DNAAF9: variants seen among roughly 807,000 people sequenced by gnomAD.
DNAAF9 encodes the protein dynein axonemal assembly factor 9.
A neutral mutation model predicts 167.0 loss-of-function variants in DNAAF9; 90 were observed. The observed-to-expected ratio is 0.54, with a 90% confidence interval of 0.45 to 0.64. The LOEUF (loss-of-function observed/expected upper bound fraction) is 0.64, where lower values mean the gene tolerates loss of function less well. DNAAF9 is among the 30% of genes least tolerant of loss of function. DNAAF9 has a pLI of 0.00. For synonymous variants in DNAAF9, 491 were observed against 508.8 expected, an observed-to-expected ratio of 0.96 and a Z score of 0.47; for missense variants, 1,315 against 1,442.2, an observed-to-expected ratio of 0.91 and a Z score of 1.43.
intron 27 of DNAAF9, among the ~76,000 whole-genome samples, chr20:3,283,383 C>A (rs2068794528): frequency 6.6e-6 from 1 of 152,238 alleles, no homozygotes; most frequent in African/African-American, 2.4e-5. Context: ...CCCAGGTTCT[C>A]CTGAGTCCTG....
At chr20:3,349,267 A>G (rs2070266186) in intron 7 of DNAAF9, among the ~76,000 whole-genome samples, 1 of 149,850 alleles carries the variant, frequency 6.7e-6, no homozygotes, top group African/African-American at 2.5e-5. Context: ...CTGTTGTCCC[A>G]GCTACTCAGG....
intron 10 of DNAAF9, among the ~76,000 whole-genome samples, 169 bp downstream of exon 10, chr20:3,340,335 A>G (rs1420156630): frequency 6.6e-6 from 1 of 151,154 alleles, no homozygotes; most frequent in African/African-American, 2.5e-5. Flanking sequence ...CTATAAAAAA[A>G]GTACAAACAG....
intron 33 of DNAAF9, among the ~76,000 whole-genome samples, 199 bp downstream of exon 33, chr20:3,259,281 G>A (rs1281301023): frequency 6.6e-6 from 1 of 152,244 alleles, no homozygotes; most frequent in African/African-American, 2.4e-5. Flanking sequence ...CCATGGAACA[G>A]GAGGACCCAG....
At chr20:3,304,395 A>G (rs1346933193) in intron 21 of DNAAF9, 45 bp downstream of exon 21, 1 of 859,978 alleles carries the variant, frequency 1.2e-6, no homozygotes. Flanking sequence ...CAAAAGTGTG[A>G]GCAACTTTCC....
At chr20:3,397,371 T>G (rs1295995799) in intron 1 of DNAAF9, among the ~76,000 whole-genome samples, 1 of 152,042 alleles carries the variant, frequency 6.6e-6, no homozygotes, top group Non-Finnish European at 1.5e-5. Flanking sequence ...CAGGCTGGAG[T>G]GCAGTGGCAT....
At chr20:3,333,515 G>A (rs1354040644) in intron 10 of DNAAF9, among the ~76,000 whole-genome samples, 1 of 152,076 alleles carries the variant, frequency 6.6e-6, no homozygotes, top group African/African-American at 2.4e-5. Flanking sequence ...GTTACAGATT[G>A]GAAATGAGAA....
intron 31 of DNAAF9, among the ~76,000 whole-genome samples, chr20:3,263,894 TAG>T: frequency 6.6e-6 from 1 of 152,226 alleles, no homozygotes; most frequent in East Asian, 1.9e-4. Context: ...GAACAATAGC[TAG>T]CACACACAGT....
chr20:3,282,988 C>T (rs1473094772), intron 27 of DNAAF9, among the ~76,000 whole-genome samples: 1 of 152,182 alleles, frequency 6.6e-6, no homozygotes, highest in Non-Finnish European at 1.5e-5. Context: ...TATTTGTTTA[C>T]TGTCTCCATA....
At chr20:3,267,678 T>C (rs975824677) in intron 30 of DNAAF9, among the ~76,000 whole-genome samples, 5 of 151,946 alleles carry the variant, frequency 3.3e-5, no homozygotes, top group Non-Finnish European at 7.4e-5. Flanking sequence ...CTACTAAAAA[T>C]AGAAAAATTA....
At chr20:3,358,181 T>C (rs1284463324) in intron 7 of DNAAF9, among the ~76,000 whole-genome samples, 4 of 152,122 alleles carry the variant, frequency 2.6e-5, no homozygotes, top group African/African-American at 9.7e-5. Flanking sequence ...ACGCATTTTA[T>C]TGTTTTCTGG....
chr20:3,362,795 C>A (rs1332623189), intron 6 of DNAAF9, among the ~76,000 whole-genome samples: 2 of 152,202 alleles, frequency 1.3e-5, no homozygotes, highest in Non-Finnish European at 2.9e-5. Context: ...CTTCTTCTAC[C>A]TCATTCTGGC....
rs571225269 is a variant in DNAAF9 at position 3,322,226 on chromosome 20, A to G, written c.1347T>C (p.Phe449=). ...TGATAGCTCTGCTTACCGTCTTCAC[A>G]AAGGATAAGCTATCTTCACTGTCCA... The part of the protein sequence containing the change: ...VPLDSEDSLS[F]VKTACMAVYD... The change falls in exon 16 of 37, where the codon TTT becomes TTC. Residue 449 remains phenylalanine (F), a synonymous_variant. Coordinates refer to ENST00000252032, the MANE Select transcript of DNAAF9 (RefSeq NM_001009984.3). The G allele has an allele frequency of 3.2e-5, 52 of 1,610,226 alleles. 1 individual carries two copies. The South Asian group carries it at 5.2e-4, about 16-fold the overall frequency.
At chr20:3,276,989 C>T (rs1433497813) in intron 29 of DNAAF9, among the ~76,000 whole-genome samples, 1 of 152,184 alleles carries the variant, frequency 6.6e-6, no homozygotes, top group Non-Finnish European at 1.5e-5. Flanking sequence ...TCTATCAAAC[C>T]TAGTATCTCC....
At chr20:3,395,037 G>A (rs1313826982) in intron 1 of DNAAF9, among the ~76,000 whole-genome samples, 1 of 129,060 alleles carries the variant, frequency 7.7e-6, no homozygotes, top group Non-Finnish European at 1.6e-5. Context: ...GCGCGATCTC[G>A]ACTCACTGCA....
At chr20:3,293,073 A>C (rs2122925572) in intron 25 of DNAAF9, among the ~76,000 whole-genome samples, 1 of 150,848 alleles carries the variant, frequency 6.6e-6, no homozygotes, top group East Asian at 1.9e-4. Flanking sequence ...GCGACAGAGC[A>C]AGACTCAAAA....
chr20:3,328,284 C>T lies in DNAAF9; in HGVS notation c.1101-2000G>A, dbSNP rs1003536762. On this transcript the variant is annotated intron_variant, in intron 12 of 36. Transcript: ENST00000252032. ...GCAACCTCTGCCTCCCGGGTTCAAG[C>T]GATTTTCCTGCCTCAGCCTCCTGAG... Among the ~76,000 whole-genome samples the T allele has an allele frequency of 7.3e-5, 11 of 151,232 alleles. No individual in the cohort carries two copies. In the South Asian group the frequency reaches 2.3e-3, roughly 32 times the overall value.
chr20:3,288,542 C>A (rs1216161630), intron 26 of DNAAF9, among the ~76,000 whole-genome samples: 1 of 152,196 alleles, frequency 6.6e-6, no homozygotes, highest in Non-Finnish European at 1.5e-5. Context: ...ATTTAGTACT[C>A]AATAAATGAG....
chr20:3,253,610 G>A (rs1020177140), intron 36 of DNAAF9, 116 bp downstream of exon 36: 59 of 702,674 alleles, frequency 8.4e-5, no homozygotes, highest in Admixed American at 6.3e-4. Context: ...GACATGCAGA[G>A]TGCTCCTGGG....
chr20:3,368,687 A>AT (rs1393679332), intron 6 of DNAAF9, among the ~76,000 whole-genome samples: 125 of 143,844 alleles, frequency 8.7e-4, no homozygotes, highest in African/African-American at 1.7e-3. Flanking sequence ...TAATTTTTGT[A>AT]TTTTTTTTTT....
Sources: gnomAD v4.1 joint callset for allele counts (sites outside exome capture counted in the v4.1 genomes callset) on GRCh38, gnomAD v4.1.1 for gene constraint, MANE v1.5 for transcripts, NCBI Gene and HGNC (gene_info 2026-07-23, HGNC 2026-07-21) for gene names.